Variants in ADAMTS20 observed in about 807,000 individuals in gnomAD.
The protein encoded by ADAMTS20 is A disintegrin and metalloproteinase with thrombospondin motifs 20.
A neutral mutation model predicts 260.1 loss-of-function variants in ADAMTS20; 225 were observed. The ratio of observed to expected loss-of-function variants is 0.87; its 90% confidence interval spans 0.78 to 0.97. ADAMTS20 has a LOEUF of 0.97. Among genes scored for constraint, ADAMTS20 ranks in the 50% least tolerant of loss-of-function variants. The pLI, the probability that ADAMTS20 is intolerant of heterozygous loss-of-function variation, is 0.00. For missense variants in ADAMTS20, 2,400 were observed against 2,337.7 expected (o/e 1.03, Z -0.55); for synonymous variants, 802 against 769.5 (o/e 1.04, Z -0.70).
chr12:43,437,817 A>T (rs966265466), intron 18 of ADAMTS20, among the ~76,000 whole-genome samples: 3 of 152,194 alleles, frequency 2.0e-5, no homozygotes, highest in African/African-American at 7.2e-5. Context: ...AATGAAGGAA[A>T]ATCTCAAAAT....
chr12:43,531,207 A>C (rs1005578441), intron 3 of ADAMTS20, among the ~76,000 whole-genome samples: 1 of 152,096 alleles, frequency 6.6e-6, no homozygotes, highest in Non-Finnish European at 1.5e-5. Context: ...TACTAAGCAA[A>C]AAAGATAAAT....
intron 36 of ADAMTS20, among the ~76,000 whole-genome samples, chr12:43,371,889 T>C (rs1461195459): frequency 1.3e-5 from 2 of 152,172 alleles, no homozygotes; most frequent in Non-Finnish European, 2.9e-5. Context: ...ATGAATTACA[T>C]GTGGGTGTGG....
intron 14 of ADAMTS20, among the ~76,000 whole-genome samples, chr12:43,451,751 TC>T (rs1290358694): frequency 6.6e-6 from 1 of 152,130 alleles, no homozygotes; most frequent in African/African-American, 2.4e-5. Flanking sequence ...TCTGTGACCA[TC>T]TTGGAAGTGG....
chr12:43,497,161 T>C (rs1244306174), intron 4 of ADAMTS20, among the ~76,000 whole-genome samples: 2 of 152,220 alleles, frequency 1.3e-5, no homozygotes, highest in Non-Finnish European at 2.9e-5. Flanking sequence ...ACTTAAGTAG[T>C]TCTGACTTGT....
chr12:43,376,407 T>C, intron 33 of ADAMTS20, 77 bp from the exon 34 acceptor site: 9 of 1,447,088 alleles, frequency 6.2e-6, no homozygotes. Context: ...GAAATATTGC[T>C]ACACTCTGAA....
chr12:43,354,608 C>A (rs1239183226), intron 38 of ADAMTS20, among the ~76,000 whole-genome samples: 2 of 152,056 alleles, frequency 1.3e-5, no homozygotes. Flanking sequence ...TATTTTTCAT[C>A]TAGGTATGTA....
At chr12:43,542,459 T>C (rs966071617) in intron 2 of ADAMTS20, among the ~76,000 whole-genome samples, 6 of 152,188 alleles carry the variant, frequency 3.9e-5, no homozygotes, top group African/African-American at 1.2e-4. Flanking sequence ...ATTTTTAAAA[T>C]TTTTTACAAT....
chr12:43,429,749 G>T, intron 23 of ADAMTS20, 25 bp from the exon 24 acceptor site: 1 of 1,420,966 alleles, frequency 7.0e-7, no homozygotes, highest in South Asian at 1.3e-5. Flanking sequence ...AATGGTTCTC[G>T]TAAAACATTA....
At chr12:43,377,954 A>G (rs1038507345) in intron 31 of ADAMTS20, among the ~76,000 whole-genome samples, 6 of 152,208 alleles carry the variant, frequency 3.9e-5, no homozygotes, top group African/African-American at 9.7e-5. Context: ...GTAACTATGT[A>G]TAAGTTAGCA....
intron 22 of ADAMTS20, 66 bp from the exon 23 acceptor site, chr12:43,430,537 T>C: frequency 7.1e-7 from 1 of 1,413,256 alleles, no homozygotes; most frequent in Non-Finnish European, 9.7e-7. Flanking sequence ...TTCTATTTTC[T>C]TAATGAATAC....
chr12:43,535,154 T>C (rs56033651), intron 2 of ADAMTS20, among the ~76,000 whole-genome samples: 17,287 of 152,142 alleles, frequency 0.11, 1,363 homozygotes, highest in African/African-American at 0.22. Context: ...TATATGTTTG[T>C]TTGCTATTTA....
At chr12:43,459,834 A>G (rs1942029117) in intron 11 of ADAMTS20, among the ~76,000 whole-genome samples, 1 of 152,234 alleles carries the variant, frequency 6.6e-6, no homozygotes, top group Admixed American at 6.5e-5. Context: ...TGCACAAAAA[A>G]TTTAAGTAAT....
chr12:43,471,128 C>A (rs902227311), intron 7 of ADAMTS20, among the ~76,000 whole-genome samples: 2 of 152,014 alleles, frequency 1.3e-5, no homozygotes, highest in African/African-American at 2.4e-5. Flanking sequence ...AGTGGGTGCA[C>A]GCACCGTGCG....
chr12:43,393,940 A>G (rs925962743), intron 29 of ADAMTS20, among the ~76,000 whole-genome samples: 1 of 152,078 alleles, frequency 6.6e-6, no homozygotes. Context: ...ATATTAGCAA[A>G]TATTCTCTTA....
At chr12:43,543,896 T>A (rs1943409319) in intron 2 of ADAMTS20, among the ~76,000 whole-genome samples, 1 of 152,222 alleles carries the variant, frequency 6.6e-6, no homozygotes. Context: ...ACCTTCTCCA[T>A]GCTCTTACTA....
chr12:43,492,177 G>A (rs1003652443), intron 6 of ADAMTS20, among the ~76,000 whole-genome samples: 1 of 151,970 alleles, frequency 6.6e-6, no homozygotes, highest in African/African-American at 2.4e-5. Context: ...TCAGGAGATC[G>A]AGACCATCCT....
At chr12:43,369,606 A>C (rs773396554) in intron 36 of ADAMTS20, among the ~76,000 whole-genome samples, 2 of 152,170 alleles carry the variant, frequency 1.3e-5, no homozygotes, top group Non-Finnish European at 2.9e-5. Flanking sequence ...TGCCCTAACA[A>C]AGGGCAAGCA....
intron 14 of ADAMTS20, among the ~76,000 whole-genome samples, chr12:43,450,263 A>C (rs1315532182): frequency 2.0e-5 from 3 of 152,188 alleles, no homozygotes; most frequent in African/African-American, 7.2e-5. Flanking sequence ...CTCCATGAAG[A>C]AGCTGTCCTC....
intron 3 of ADAMTS20, among the ~76,000 whole-genome samples, chr12:43,525,493 C>T (rs550515223): frequency 1.3e-5 from 2 of 152,284 alleles, no homozygotes; most frequent in South Asian, 2.1e-4. Context: ...TAACAATTAA[C>T]ATGATGAATG....
Sources: gnomAD v4.1 joint callset for allele counts (sites outside exome capture counted in the v4.1 genomes callset) on GRCh38, gnomAD v4.1.1 for gene constraint, MANE v1.5 for transcripts, NCBI Gene and HGNC (gene_info 2026-07-23, HGNC 2026-07-21) for gene names.